Variants in SPECC1L observed in about 807,000 individuals in gnomAD.
The protein encoded by SPECC1L is cytospin-A.
In SPECC1L, 40 loss-of-function variants were observed where a neutral mutation model predicts 116.8. That is an observed-to-expected ratio of 0.34 (90% confidence interval 0.27 to 0.45). The LOEUF (loss-of-function observed/expected upper bound fraction) is 0.45, where lower values mean the gene tolerates loss of function less well. Ranked by LOEUF, SPECC1L falls within the 20% of genes least tolerant of loss-of-function variation. SPECC1L has a pLI of 1.00. For missense variants in SPECC1L, 1,110 were observed against 1,373.6 expected, an observed-to-expected ratio of 0.81 and a Z score of 3.03; for synonymous variants, 504 against 500.6, an observed-to-expected ratio of 1.01 and a Z score of -0.09.
At chr22:24,385,596 TTGAGATTGTCCGTAA>T (rs2042146474) in intron 14 of SPECC1L, among the ~76,000 whole-genome samples, 1 of 152,152 alleles carries the variant, frequency 6.6e-6, no homozygotes, top group Admixed American at 6.5e-5. Flanking sequence ...TTACTAGAGA[TTGAGATTGTCCGTAA>T]TGATAAAGAA....
At chr22:24,356,162 T>G (rs1321647343) in intron 11 of SPECC1L, among the ~76,000 whole-genome samples, 1 of 152,202 alleles carries the variant, frequency 6.6e-6, no homozygotes, top group African/African-American at 2.4e-5. Flanking sequence ...GGGCAGAGTG[T>G]TTTATAAATA....
intron 16 of SPECC1L, among the ~76,000 whole-genome samples, chr22:24,413,305 A>G (rs2042736943): frequency 6.6e-6 from 1 of 152,184 alleles, no homozygotes; most frequent in African/African-American, 2.4e-5. Context: ...TTCCGGGAGA[A>G]AACATAGCGT....
chr22:24,298,862 C>T (rs975244852), intron 2 of SPECC1L, among the ~76,000 whole-genome samples: 14 of 152,226 alleles, frequency 9.2e-5, no homozygotes, highest in African/African-American at 3.1e-4. Flanking sequence ...CACAGAAACA[C>T]GCAGAATAAT....
intron 14 of SPECC1L, among the ~76,000 whole-genome samples, chr22:24,393,320 G>C (rs1175773719): frequency 6.6e-6 from 1 of 152,202 alleles, no homozygotes; most frequent in Non-Finnish European, 1.5e-5. Context: ...GGGAATCTGG[G>C]TAGATGAGGC....
Position 24,321,505 on chromosome 22 carries a change from C to G in SPECC1L, c.525C>G (p.Ile175Met), listed in dbSNP as rs779222191. 6.2e-7 allele frequency: 1 copy of G among 1,614,238 alleles called. No homozygotes were observed. Among genetic ancestry groups the G allele is most frequent in the Non-Finnish European group, 8.5e-7 (1 of 1,180,052 alleles). Residue 175 changes from isoleucine (I) to methionine (M), a missense_variant, in exon 5 of 17, where the codon ATC becomes ATG. By Grantham distance (10) the Ile-to-Met change is conservative. Around this residue, in one of 4 missense-constraint regions of SPECC1L, gnomAD observed 437 missense variants for 482.6 expected, o/e 0.91. Coordinates refer to ENST00000314328, the MANE Select transcript of SPECC1L (RefSeq NM_015330.6). ...RMSKSKSDNQISDRAALEAKV... is the reference protein window; with the variant it reads ...RMSKSKSDNQMSDRAALEAKV... The stretch of plus-strand genomic sequence containing the variant: ...GCAAGTCTAAGTCAGACAATCAGAT[C>G]AGTGACAGAGCTGCTTTGGAGGCCA...
rs74592043 is a variant in SPECC1L, at chr22:24,296,861, G to A, written c.-37-5334G>A. Reference sequence around the variant, plus strand: ...GGGTGCTATAGGCATTTATTTAATAGGTAGGGCCCATGGAATTCAAGGCTT... The same window carrying A: ...GGGTGCTATAGGCATTTATTTAATAAGTAGGGCCCATGGAATTCAAGGCTT... On this transcript the variant is annotated intron_variant, in intron 2 of 16. Transcript: ENST00000314328. Among the ~76,000 whole-genome samples the A allele has an allele frequency of 6.7e-4, 102 of 152,268 alleles. No homozygotes were observed. In the East Asian group the frequency reaches 0.015, roughly 23 times the overall value.
intron 10 of SPECC1L, among the ~76,000 whole-genome samples, chr22:24,344,592 CAAAAAA>C (rs35725042): frequency 2.5e-5 from 3 of 117,934 alleles, no homozygotes; most frequent in Non-Finnish European, 1.8e-5. Context: ...TGCATAAGAC[CAAAAAA>C]AAAAAAAAAA....
At chr22:24,272,347 A>G (rs567843500) in intron 1 of SPECC1L, among the ~76,000 whole-genome samples, 40 of 152,270 alleles carry the variant, frequency 2.6e-4, no homozygotes, top group Non-Finnish European at 5.3e-4. Context: ...CCTGGGCTAC[A>G]GAGCGAGGCT....
chr22:24,273,932 A>G (rs1262150917), intron 1 of SPECC1L, among the ~76,000 whole-genome samples: 2 of 152,068 alleles, frequency 1.3e-5, no homozygotes, highest in African/African-American at 2.4e-5. Flanking sequence ...CTGATTTTGT[A>G]TTTTTAGTAG....
intron 14 of SPECC1L, among the ~76,000 whole-genome samples, chr22:24,389,799 C>G (rs1601331878): frequency 6.6e-6 from 1 of 152,086 alleles, no homozygotes; most frequent in East Asian, 1.9e-4. Context: ...AGGAAGTGCT[C>G]TTTATAAATT....
chr22:24,384,873 A>G (rs1030227419), intron 14 of SPECC1L, among the ~76,000 whole-genome samples: 41 of 152,068 alleles, frequency 2.7e-4, no homozygotes, highest in African/African-American at 9.9e-4. Context: ...TCAGGAGATC[A>G]AGACCATCCT....
chr22:24,409,757 A>G (rs1266435643), intron 14 of SPECC1L, among the ~76,000 whole-genome samples: 1 of 152,268 alleles, frequency 6.6e-6, no homozygotes, highest in Admixed American at 6.5e-5. Context: ...GGCTGGGTAC[A>G]GTGGCTCTTG....
intron 14 of SPECC1L, 129 bp from the exon 15 acceptor site, chr22:24,411,459 C>T (rs1489192450): frequency 1.9e-5 from 16 of 837,710 alleles, no homozygotes; most frequent in Admixed American, 3.4e-5. Flanking sequence ...TGGACACAGC[C>T]GCCCTGCCCT....
chr22:24,363,017 G>A (rs1397507208), intron 11 of SPECC1L, among the ~76,000 whole-genome samples: 1 of 152,174 alleles, frequency 6.6e-6, no homozygotes, highest in African/African-American at 2.4e-5. Context: ...GGATTCAGAA[G>A]TATTCGTCTG....
intron 9 of SPECC1L, among the ~76,000 whole-genome samples, chr22:24,337,674 T>C (rs1209781112): frequency 7.2e-5 from 11 of 152,210 alleles, no homozygotes; most frequent in Admixed American, 5.2e-4. Flanking sequence ...ATTAAAAAAG[T>C]CCACAGTGGT....
At chr22:24,392,793 G>T (rs1381949569) in intron 14 of SPECC1L, among the ~76,000 whole-genome samples, 2 of 152,158 alleles carry the variant, frequency 1.3e-5, no homozygotes, top group Non-Finnish European at 2.9e-5. Context: ...GCTTAGTGGG[G>T]ATATCTCATC....
chr22:24,360,277 C>CTGTG (rs2041617606), intron 11 of SPECC1L, among the ~76,000 whole-genome samples: 1 of 152,240 alleles, frequency 6.6e-6, no homozygotes, highest in Admixed American at 6.5e-5. Flanking sequence ...TGTGTTCTTA[C>CTGTG]TGTGACAAGT....
At chr22:24,298,376 G>T (rs2049309206) in intron 2 of SPECC1L, among the ~76,000 whole-genome samples, 1 of 152,132 alleles carries the variant, frequency 6.6e-6, no homozygotes, top group South Asian at 2.1e-4. Context: ...ATATGGAGTT[G>T]GGCAATATCT....
At chr22:24,300,980 G>T (rs2049365787) in intron 2 of SPECC1L, among the ~76,000 whole-genome samples, 2 of 152,134 alleles carry the variant, frequency 1.3e-5, no homozygotes, top group Non-Finnish European at 2.9e-5. Flanking sequence ...CTGGATTAAA[G>T]ACTTAAATGT....
Sources: gnomAD v4.1 joint callset for allele counts (sites outside exome capture counted in the v4.1 genomes callset) on GRCh38, gnomAD v4.1.1 for gene constraint, gnomAD v4.1.1 regional missense constraint, MANE v1.5 for transcripts, NCBI Gene and HGNC (gene_info 2026-07-23, HGNC 2026-07-21) for gene names.